The following PRDM16 variants were observed in gnomAD, a reference collection of about 807,000 sequenced individuals.
PRDM16 encodes the protein histone-lysine N-methyltransferase PRDM16.
A neutral mutation model predicts 110.6 loss-of-function variants in PRDM16; 23 were observed. That is an observed-to-expected ratio of 0.21 (90% CI 0.15 to 0.29). The LOEUF is 0.29. PRDM16 is among the 10% of genes least tolerant of loss of function. The pLI, the probability that PRDM16 is intolerant of heterozygous loss-of-function variation, is 1.00. For synonymous variants in PRDM16, 799 were observed against 781.8 expected (o/e 1.02, Z -0.37); for missense variants, 1,615 against 1,794.3 (o/e 0.90, Z 1.81).
At chr1:3,422,842 G>A (rs925185235) in intron 12 of PRDM16, among the ~76,000 whole-genome samples, 2 of 152,244 alleles carry the variant, frequency 1.3e-5, no homozygotes, top group Non-Finnish European at 2.9e-5. Context: ...GGCGCTGCCT[G>A]TCACTGGGCT....
At chr1:3,250,307 TC>T (rs1011165802) in intron 3 of PRDM16, among the ~76,000 whole-genome samples, 2 of 152,058 alleles carry the variant, frequency 1.3e-5, no homozygotes, top group African/African-American at 4.8e-5. Flanking sequence ...TCTCGCCACC[TC>T]GCCACACCTG....
At chr1:3,084,657 T>A (rs1413787474) in intron 1 of PRDM16, among the ~76,000 whole-genome samples, 1 of 152,158 alleles carries the variant, frequency 6.6e-6, no homozygotes, top group Non-Finnish European at 1.5e-5. Flanking sequence ...CCTTGAGAAT[T>A]TGAGTCGAGG....
chr1:3,186,092 C>G (rs1378150715), intron 1 of PRDM16, 33 bp from the exon 2 acceptor site: 109 of 1,554,082 alleles, frequency 7.0e-5, no homozygotes, highest in Non-Finnish European at 9.6e-5. Flanking sequence ...GGGGCACGTG[C>G]TGCAGAGGTT....
chr1:3,322,948 C>T (rs544803302), intron 3 of PRDM16, among the ~76,000 whole-genome samples: 4 of 152,300 alleles, frequency 2.6e-5, no homozygotes, highest in South Asian at 2.1e-4. Context: ...CTTCTAATCA[C>T]GCTCTGGTCA....
chr1:3,303,145 G>T (rs1180760402), intron 3 of PRDM16, among the ~76,000 whole-genome samples: 2 of 151,944 alleles, frequency 1.3e-5, no homozygotes, highest in African/African-American at 4.8e-5. Context: ...TCACAGAGTG[G>T]CACACCACAC....
intron 3 of PRDM16, among the ~76,000 whole-genome samples, chr1:3,312,181 G>A (rs931637503): frequency 1.3e-5 from 2 of 152,198 alleles, no homozygotes; most frequent in Non-Finnish European, 1.5e-5. Context: ...TGACTCCAAA[G>A]CACAGAGCTC....
intron 1 of PRDM16, among the ~76,000 whole-genome samples, chr1:3,138,689 C>T (rs1026263112): frequency 1.3e-5 from 2 of 152,178 alleles, no homozygotes; most frequent in Admixed American, 6.5e-5. Flanking sequence ...GGCAAGACAG[C>T]GTTCCAGAAA....
chr1:3,196,376 A>G (rs1319281421), intron 2 of PRDM16, among the ~76,000 whole-genome samples: 2 of 152,216 alleles, frequency 1.3e-5, no homozygotes, highest in East Asian at 1.9e-4. Flanking sequence ...GCTTGGGGGA[A>G]TTCTGTGTCG....
intron 4 of PRDM16, among the ~76,000 whole-genome samples, chr1:3,395,259 C>A (rs937170610): frequency 2.6e-5 from 4 of 152,084 alleles, no homozygotes; most frequent in African/African-American, 9.7e-5. Flanking sequence ...AGCCACAGAC[C>A]CCAGCCAGGT....
intron 3 of PRDM16, among the ~76,000 whole-genome samples, chr1:3,338,994 C>T (rs888423538): frequency 4.6e-5 from 7 of 152,200 alleles, no homozygotes; most frequent in African/African-American, 1.7e-4. Context: ...GTGACAGGCA[C>T]CCCAGCAGCT....
intron 2 of PRDM16, among the ~76,000 whole-genome samples, chr1:3,222,702 G>A (rs1252246622): frequency 6.6e-6 from 1 of 152,242 alleles, no homozygotes; most frequent in Non-Finnish European, 1.5e-5. Flanking sequence ...GTGCTCTGCA[G>A]GGCCCCTGAC....
intron 2 of PRDM16, among the ~76,000 whole-genome samples, chr1:3,200,577 T>C (rs113938370): frequency 0.035 from 5,385 of 152,276 alleles, 198 homozygotes; most frequent in African/African-American, 0.095. Flanking sequence ...CTTCTGACCC[T>C]GTGATCTGCC....
chr1:3,296,873 T>G (rs1445512022), intron 3 of PRDM16, among the ~76,000 whole-genome samples: 1 of 152,166 alleles, frequency 6.6e-6, no homozygotes, highest in East Asian at 1.9e-4. Flanking sequence ...AAAACGCAGT[T>G]CACACACCAA....
At chr1:3,250,353 G>A (rs371390024) in intron 3 of PRDM16, among the ~76,000 whole-genome samples, 1 of 152,154 alleles carries the variant, frequency 6.6e-6, no homozygotes, top group African/African-American at 2.4e-5. Flanking sequence ...TCCCGCAGGG[G>A]CCCCTTCACA....
intron 3 of PRDM16, among the ~76,000 whole-genome samples, chr1:3,352,409 G>A (rs1320502842): frequency 4.6e-5 from 7 of 152,118 alleles, no homozygotes; most frequent in South Asian, 2.1e-4. Context: ...CCTCCCCTCC[G>A]AAGCCGGCGC....
At chr1:3,298,933 G>A (rs1047559814) in intron 3 of PRDM16, among the ~76,000 whole-genome samples, 4 of 152,220 alleles carry the variant, frequency 2.6e-5, no homozygotes, top group African/African-American at 9.6e-5. Context: ...CTGGCCTTCA[G>A]GCTGGGTCTC....
At chr1:3,297,131 C>T (rs1240982618) in intron 3 of PRDM16, among the ~76,000 whole-genome samples, 1 of 152,156 alleles carries the variant, frequency 6.6e-6, no homozygotes, top group Non-Finnish European at 1.5e-5. Context: ...CTAAGGGGAG[C>T]GGTCAGCCCT....
At position 3,435,875 on chromosome 1, in the gene PRDM16, A is replaced by C; in HGVS notation, c.*2064A>C. On this transcript the variant is annotated 3_prime_UTR_variant, in exon 17 of 17. Coordinates refer to ENST00000270722, the MANE Select transcript of PRDM16 (RefSeq NM_022114.4). ...CAGTGAAAGGGATTCCTCCCACGCCAGATCTGCACAACGAGGCAAGACAGG... is the reference window on the plus strand; with the variant it reads ...CAGTGAAAGGGATTCCTCCCACGCCCGATCTGCACAACGAGGCAAGACAGG... The C allele has an allele frequency of 4.3e-6, 1 of 232,112 alleles. No individual in the cohort carries two copies. The highest frequency in any genetic ancestry group is 8.5e-6 in the Non-Finnish European group (1 of 117,284). The allele number at this position is 232,112 out of a possible 1,614,324, so 14.4% of individuals were successfully genotyped here. A position where few individuals can be genotyped will look rare whatever the true frequency, so the allele number is the denominator to read the frequency against.
intron 3 of PRDM16, among the ~76,000 whole-genome samples, chr1:3,377,293 C>T (rs1643009109): frequency 6.6e-6 from 1 of 152,146 alleles, no homozygotes; most frequent in African/African-American, 2.4e-5. Flanking sequence ...TCCCAGGGCT[C>T]CTCTCCTCCC....
Sources: allele counts gnomAD v4.1 joint callset (sites outside exome capture counted in the v4.1 genomes callset), GRCh38; gene constraint gnomAD v4.1.1; transcripts MANE v1.5; gene names NCBI Gene and HGNC (gene_info 2026-07-23, HGNC 2026-07-21).